ALMS1: variants seen among roughly 807,000 people sequenced by gnomAD.
ALMS1 encodes centrosome-associated protein ALMS1.
Under a neutral mutation model 352.2 loss-of-function variants are expected in ALMS1, and 271 were observed. The observed-to-expected ratio is 0.77, with a 90% CI of 0.70 to 0.85. The LOEUF (loss-of-function observed/expected upper bound fraction) is 0.85, where lower values mean the gene tolerates loss of function less well. Ranked by LOEUF, ALMS1 falls within the 40% of genes least tolerant of loss-of-function variation. The pLI is 0.00. For missense variants in ALMS1, 5,445 were observed against 4,870.7 expected (o/e 1.12, Z -3.51); for synonymous variants, 1,865 against 1,761.2 (o/e 1.06, Z -1.48).
intron 2 of ALMS1, 121 bp from the exon 3 acceptor site, chr2:73,419,002 T>G (rs1671233676): frequency 1.2e-6 from 1 of 832,684 alleles, no homozygotes; most frequent in Non-Finnish European, 1.9e-6. Flanking sequence ...TTCTATACTT[T>G]GATGAGAATG....
At chr2:73,395,028 GTATATATATGTGTGTGTATATATATATA>G (rs1670727100) in intron 1 of ALMS1, among the ~76,000 whole-genome samples, 1 of 130,442 alleles carries the variant, frequency 7.7e-6, no homozygotes, top group South Asian at 2.4e-4. Flanking sequence ...ATATATATGT[GTATATATATGTGTGTGTATATATATATA>G]TGTGTATATA....
intron 10 of ALMS1, among the ~76,000 whole-genome samples, chr2:73,504,745 T>A (rs977978844): frequency 6.6e-6 from 1 of 152,168 alleles, no homozygotes; most frequent in Non-Finnish European, 1.5e-5. Context: ...ACTTTTTTTT[T>A]TATACTTTAA....
At chr2:73,421,580 A>T (rs1220652229) in intron 3 of ALMS1, among the ~76,000 whole-genome samples, 2 of 152,156 alleles carry the variant, frequency 1.3e-5, no homozygotes, top group African/African-American at 2.4e-5. Context: ...GTAAATAAAT[A>T]ACTCTCTTTT....
intron 10 of ALMS1, among the ~76,000 whole-genome samples, chr2:73,496,444 G>A (rs1673110413): frequency 6.6e-6 from 1 of 152,130 alleles, no homozygotes; most frequent in Non-Finnish European, 1.5e-5. Context: ...ATTAAATGCA[G>A]TAATATTTTA....
intron 12 of ALMS1, among the ~76,000 whole-genome samples, chr2:73,542,324 C>A (rs1219269659): frequency 6.6e-6 from 1 of 152,158 alleles, no homozygotes. Flanking sequence ...AACAACCCTT[C>A]ATGCTAAAAA....
rs769692404 is a variant in ALMS1 at position 73,490,769 on chromosome 2, A to T, written c.8810A>T (p.Tyr2937Phe). 6.2e-7 allele frequency: 1 copy of T among 1,613,964 alleles called. No individual in the cohort carries two copies. The highest frequency in any genetic ancestry group is 8.5e-7 in the Non-Finnish European group (1 of 1,180,018). ...RELFEQCKAP[Y>F]VDHQMRENHS... is the part of the protein sequence containing the mutation. ...CTCTTTGAACAGTGCAAAGCCCCAT[A>T]TGTAGATCATCAAATGAGAGAAAAC... The change falls in exon 10 of 23, where the codon TAT (tyrosine) becomes TTT (phenylalanine). Residue 2937 changes from tyrosine (Y) to phenylalanine (F), a missense_variant. By Grantham distance (22) the Tyr-to-Phe change is conservative. Coordinates refer to ENST00000613296, the MANE Select transcript of ALMS1 (RefSeq NM_001378454.1).
At position 73,572,265 on chromosome 2, in the gene ALMS1, C is replaced by A; in HGVS notation, c.10388C>A (p.Ser3463Tyr). Residue 3463 changes from serine to tyrosine, a missense_variant, in exon 16 of 23, where the codon TCC (serine) becomes TAC (tyrosine). Physicochemically the swap from Ser to Tyr is moderately radical, Grantham distance 144 (BLOSUM62 -2). Transcript: ENST00000613296. ...AATCTTTTTTTCTCCTTTTCAGAGT[C>A]CGAATGTCATTCAGAATTTGAAAAT... Reference protein sequence around the residue: ...KESLQINIEESECHSEFENTT... With the variant: ...KESLQINIEEYECHSEFENTT... The A allele has an allele frequency of 6.2e-7, 1 of 1,605,246 alleles. No individual in the cohort carries two copies. The highest frequency in any genetic ancestry group is 1.1e-5 in the South Asian group (1 of 88,596).
intron 10 of ALMS1, among the ~76,000 whole-genome samples, chr2:73,493,210 T>C (rs149859449): frequency 2.0e-3 from 305 of 151,968 alleles, no homozygotes; most frequent in African/African-American, 7.0e-3. Flanking sequence ...AAATAGATAT[T>C]ATTACCTCAG....
At chr2:73,539,314 G>C (rs1393387930) in intron 12 of ALMS1, among the ~76,000 whole-genome samples, 2 of 152,226 alleles carry the variant, frequency 1.3e-5, no homozygotes, top group Admixed American at 6.5e-5. Flanking sequence ...CAGACCTGCA[G>C]CTGAGGGTCC....
chr2:73,460,728 T>C (rs1672174255), intron 9 of ALMS1, among the ~76,000 whole-genome samples: 1 of 152,206 alleles, frequency 6.6e-6, no homozygotes, highest in Non-Finnish European at 1.5e-5. Context: ...GAAAATCGCA[T>C]CACTCCCACA....
At chr2:73,569,712 C>G (rs1450381274) in intron 15 of ALMS1, among the ~76,000 whole-genome samples, 1 of 152,206 alleles carries the variant, frequency 6.6e-6, no homozygotes, top group Non-Finnish European at 1.5e-5. Flanking sequence ...AATATTTGCA[C>G]TCTCCCTTAT....
intron 16 of ALMS1, among the ~76,000 whole-genome samples, chr2:73,577,183 C>T (rs933742430): frequency 3.3e-5 from 5 of 152,112 alleles, no homozygotes; most frequent in Non-Finnish European, 5.9e-5. Context: ...TTTCCCACCT[C>T]TTGGTTTTTG....
Position 73,573,306 on chromosome 2 carries a change from G to A in ALMS1, c.11429G>A (p.Ser3810Asn), listed in dbSNP as rs775453044. 36 of 1,613,948 alleles carry A rather than the reference G, an allele frequency of 2.2e-5. No individual in the cohort carries two copies. Among genetic ancestry groups the A allele is most frequent in the Non-Finnish European group, 3.0e-5 (35 of 1,180,008 alleles). Residue 3810 changes from serine (S) to asparagine (N), a missense_variant, in exon 16 of 23, where the codon AGC becomes AAC. Ser to Asn is a conservative substitution (Grantham distance 46). Coordinates refer to ENST00000613296, the MANE Select transcript of ALMS1 (RefSeq NM_001378454.1). The part of the protein sequence containing the change: ...CLSPRRIKLY[S>N]SITNQQRRYL... ...TCACCCAGACGAATTAAATTATATA[G>A]CAGCATCACCAACCAACAGAGGAGA... is the stretch of plus-strand genomic sequence containing the variant.
chr2:73,446,988 G>A (rs1671822145), intron 7 of ALMS1, among the ~76,000 whole-genome samples: 1 of 152,110 alleles, frequency 6.6e-6, no homozygotes, highest in Non-Finnish European at 1.5e-5. Context: ...CACATCATAT[G>A]TTTTACCAAT....
chr2:73,600,604 C>T (rs1675656274), intron 17 of ALMS1, 74 bp from the exon 18 acceptor site: 6 of 1,355,754 alleles, frequency 4.4e-6, no homozygotes, highest in South Asian at 4.2e-5. Flanking sequence ...AAAGGGTTCA[C>T]GTACTCACTT....
intron 2 of ALMS1, among the ~76,000 whole-genome samples, chr2:73,416,417 CCA>C (rs1671181919): frequency 6.6e-6 from 1 of 152,084 alleles, no homozygotes; most frequent in Non-Finnish European, 1.5e-5. Context: ...ATATTTCTCT[CCA>C]CATTTTTTTC....
chr2:73,583,144 T>C (rs2104137133), intron 16 of ALMS1, among the ~76,000 whole-genome samples: 1 of 152,304 alleles, frequency 6.6e-6, no homozygotes, highest in East Asian at 1.9e-4. Flanking sequence ...TATATGCTTT[T>C]TGGCCATTTG....
chr2:73,573,508 A>G (rs1674990177), intron 16 of ALMS1, 84 bp downstream of exon 16: 2 of 1,453,932 alleles, frequency 1.4e-6, no homozygotes, highest in African/African-American at 1.4e-5. Context: ...GGTGAAAAAA[A>G]CAAGCCATTT....
At chr2:73,526,283 AT>A (rs1673789841) in intron 11 of ALMS1, among the ~76,000 whole-genome samples, 1 of 152,124 alleles carries the variant, frequency 6.6e-6, no homozygotes, top group African/African-American at 2.4e-5. Context: ...TTCCATATAA[AT>A]TTTAGGATTT....
Sources: gnomAD v4.1 joint callset for allele counts (sites outside exome capture counted in the v4.1 genomes callset) on GRCh38, gnomAD v4.1.1 for gene constraint, MANE v1.5 for transcripts, NCBI Gene and HGNC (gene_info 2026-07-23, HGNC 2026-07-21) for gene names.